GREB1: variants seen among roughly 807,000 people sequenced by gnomAD.
GREB1 encodes growth regulating estrogen receptor binding 1, also known as protein GREB1.
A neutral mutation model predicts 200.7 loss-of-function variants in GREB1; 106 were observed. The ratio of observed to expected loss-of-function variants is 0.53; its 90% CI spans 0.45 to 0.62. The LOEUF is 0.62. Ranked by LOEUF, GREB1 falls within the 20% of genes least tolerant of loss-of-function variation. The pLI is 0.00. For missense variants in GREB1, 2,243 were observed against 2,556.8 expected, an observed-to-expected ratio of 0.88 and a Z score of 2.65; for synonymous variants, 1,132 against 1,092.4, an observed-to-expected ratio of 1.04 and a Z score of -0.72.
intron 10 of GREB1, chr2:11,591,258 C>T: frequency 1.6e-6 from 1 of 617,310 alleles, no homozygotes; most frequent in East Asian, 2.9e-5. Flanking sequence ...TCTGGCACGG[C>T]CCACAGAGCA....
intron 4 of GREB1, among the ~76,000 whole-genome samples, chr2:11,569,329 C>A (rs892308647): frequency 6.7e-6 from 1 of 148,950 alleles, no homozygotes; most frequent in African/African-American, 2.5e-5. Context: ...CGTCTAGGGG[C>A]TGGGTGGGGG....
In GREB1 at chr2:11,635,384, G is replaced by A. The variant is rs1558672470; in HGVS notation, c.5325G>A (p.Arg1775=). The A allele has an allele frequency of 1.9e-6, 3 of 1,612,254 alleles. No homozygotes were observed. The highest frequency in any genetic ancestry group is 1.1e-5 in the South Asian group (1 of 90,688). The change falls in exon 30 of 33, where the codon AGG becomes AGA. Residue 1775 remains arginine, a synonymous_variant. Coordinates refer to ENST00000381486, the MANE Select transcript of GREB1 (RefSeq NM_014668.4). ...AGCAGATCGTGGTGGGCGGCCACAG[G>A]TCCTTCCACATCACATCCAAGGTGA... ...MKKQIVVGGH[R]SFHITSKVSD...
At chr2:11,572,536 T>C (rs1678416898) in intron 4 of GREB1, among the ~76,000 whole-genome samples, 2 of 152,136 alleles carry the variant, frequency 1.3e-5, no homozygotes, top group South Asian at 4.1e-4. Context: ...GATTTAGTCA[T>C]AGCCTTCCCT....
intron 7 of GREB1, among the ~76,000 whole-genome samples, chr2:11,583,555 G>T (rs183876876): frequency 6.6e-6 from 1 of 152,192 alleles, no homozygotes; most frequent in African/African-American, 2.4e-5. Context: ...TCACCCTGCA[G>T]CGTGCTTAAA....
chr2:11,629,971 C>T lies in GREB1; in HGVS notation c.4473C>T (p.Ala1491=). The change falls in exon 26 of 33, where the codon GCC becomes GCT. Residue 1491 remains alanine (A), a synonymous_variant. Transcript: ENST00000381486. This position sits in a 1 kb window ranked among gnomAD's most constrained non-coding sequence, Gnocchi z 5.2. ...RYQLYESTLH[A]FAFSYSMLGE... is the part of the protein sequence containing the mutation. ...AGCTGTATGAGTCCACCCTGCACGC[C>T]TTTGCCTTCTCTTACTCCATGCTAG... 1 of 1,614,206 alleles carries T rather than the reference C, an allele frequency of 6.2e-7. No individual in the cohort carries two copies. The highest frequency in any genetic ancestry group is 1.3e-5 in the African/African-American group (1 of 75,048).
At position 11,637,716 on chromosome 2, in the gene GREB1, G is replaced by A; in HGVS notation, c.5347G>A (p.Val1783Met). Residue 1783 changes from valine (V) to methionine (M), a missense_variant and splice_region_variant, in exon 31 of 33, where the codon GTG becomes ATG. By Grantham distance (21) the Val-to-Met change is conservative. Around this residue, in one of 3 missense-constraint regions of GREB1, gnomAD observed 478 missense variants for 616.3 expected, o/e 0.78. Transcript: ENST00000381486. ...GHRSFHITSK[V>M]SDNSAAVVPA... ...GCCTGACACCCCCCTTCCCGTGCAG[G>A]TGTCTGATAACTCTGCCGCGGTCGT... 3 of 1,612,744 alleles carry A rather than the reference G, an allele frequency of 1.9e-6. No individual in the cohort carries two copies. The highest frequency in any genetic ancestry group is 2.2e-5 in the South Asian group (2 of 91,072).
intron 17 of GREB1, among the ~76,000 whole-genome samples, chr2:11,609,698 A>G (rs1050450601): frequency 6.6e-6 from 1 of 152,212 alleles, no homozygotes; most frequent in Non-Finnish European, 1.5e-5. Context: ...TGAAGGAAAC[A>G]TGAAGAAAAG....
At chr2:11,531,714 G>A (rs1674081004), upstream of GREB1, among the ~76,000 whole-genome samples, 1 of 152,094 alleles carries the variant, frequency 6.6e-6, no homozygotes, top group Admixed American at 6.6e-5. Flanking sequence ...GGGATTATAG[G>A]CACCTGCCAC....
chr2:11,553,894 A>G (rs1304919185), intron 1 of GREB1, among the ~76,000 whole-genome samples: 1 of 152,038 alleles, frequency 6.6e-6, no homozygotes, highest in Non-Finnish European at 1.5e-5. Flanking sequence ...AGAGGACATG[A>G]TTCTTCAGGG....
rs1685132851 is a variant in GREB1, at chr2:11,634,344, G to A, written c.5205G>A (p.Gln1735=). ...VDLTQNVQYN[Q]NRFLCDDVDF... ...TGACCCAGAACGTGCAGTACAACCAGAACCGGTGAGCTCCTGCACCTGGGG... is the reference window on the plus strand; with the variant it reads ...TGACCCAGAACGTGCAGTACAACCAAAACCGGTGAGCTCCTGCACCTGGGG... Residue 1735 remains glutamine, a synonymous_variant, in exon 29 of 33, where the codon CAG becomes CAA. Transcript: ENST00000381486. The A allele has an allele frequency of 6.2e-7, 1 of 1,612,520 alleles. No homozygotes were observed. Among genetic ancestry groups the A allele is most frequent in the Admixed American group, 1.7e-5 (1 of 59,912 alleles).
At chr2:11,617,832 T>C (rs1247485359) in intron 21 of GREB1, among the ~76,000 whole-genome samples, 1 of 152,140 alleles carries the variant, frequency 6.6e-6, no homozygotes, top group Non-Finnish European at 1.5e-5. Flanking sequence ...GGAGACTGGC[T>C]AGGGGGCATC....
chr2:11,630,615 C>T (rs1321248435), intron 26 of GREB1, among the ~76,000 whole-genome samples: 2 of 152,210 alleles, frequency 1.3e-5, no homozygotes, highest in African/African-American at 4.8e-5. Context: ...CCGTCCCTCT[C>T]TCCTCTTCTG....
chr2:11,618,505 C>T lies in GREB1; in HGVS notation c.3630C>T (p.Ser1210=), dbSNP rs757414077. ...PDCSLRTGQR[S]VQVSVTSSCS... ...GTAGCCTCAGGACCGGCCAGAGGAG[C>T]GTCCAGGTGTCGGTCACCTCGTCGT... The change falls in exon 22 of 33, where the codon AGC becomes AGT. Residue 1210 remains serine, a synonymous_variant. Coordinates refer to ENST00000381486, the MANE Select transcript of GREB1 (RefSeq NM_014668.4). 29 of 1,611,086 alleles carry T rather than the reference C, an allele frequency of 1.8e-5. No individual in the cohort carries two copies. In the African/African-American group the frequency reaches 2.0e-4, roughly 11 times the overall value.
At chr2:11,498,660 TGCTGGGCA>T (rs1162771229) in intron 1 of GREB1, among the ~76,000 whole-genome samples, 4 of 152,196 alleles carry the variant, frequency 2.6e-5, no homozygotes, top group African/African-American at 7.2e-5. Context: ...GCAGTTTTGC[TGCTGGGCA>T]GCTGGGCAGC....
chr2:11,550,719 C>T (rs1449514822), intron 1 of GREB1, among the ~76,000 whole-genome samples: 4 of 152,208 alleles, frequency 2.6e-5, no homozygotes, highest in Admixed American at 2.6e-4. Flanking sequence ...TACTTCTCGT[C>T]TGCTTTGAAA....
In GREB1 at chr2:11,632,912, G is replaced by A; in HGVS notation, c.4840G>A (p.Glu1614Lys). The A allele has an allele frequency of 6.2e-7, 1 of 1,614,086 alleles. No homozygotes were observed. Among genetic ancestry groups the A allele is most frequent in the Non-Finnish European group, 8.5e-7 (1 of 1,179,988 alleles). Residue 1614 changes from glutamate (E) to lysine (K), a missense_variant, in exon 28 of 33, where the codon GAG becomes AAG. Physicochemically the swap from Glu to Lys is moderately conservative, Grantham distance 56. Transcript: ENST00000381486. ...AGGTGCTGCTCATTTCCTCATCAAGGAGCTGTCCTACCATAACCTGGAGCT... is the reference window on the plus strand; with the variant it reads ...AGGTGCTGCTCATTTCCTCATCAAGAAGCTGTCCTACCATAACCTGGAGCT... ...GVGAAHFLIK[E>K]LSYHNLELER...
chr2:11,515,519 G>T (rs1191437843), intron 1 of GREB1, among the ~76,000 whole-genome samples: 2 of 152,116 alleles, frequency 1.3e-5, no homozygotes, highest in Non-Finnish European at 2.9e-5. Flanking sequence ...CCCCTCCGAG[G>T]TTTTCTCTGG....
rs763552349 is a variant in GREB1 at position 11,634,279 on chromosome 2, C to T, written c.5140C>T (p.Arg1714Cys). ...RASEVQEPFS[R>C]CHVHNFIILN... ...CAGCGAGGTGCAAGAGCCCTTCTCC[C>T]GCTGCCACGTGCACAACTTCATCAT... The change falls in exon 29 of 33, where the codon CGC becomes TGC. Residue 1714 changes from arginine (R) to cysteine (C), a missense_variant. Transcript: ENST00000381486. 7.4e-6 allele frequency: 12 copies of T among 1,614,082 alleles called. No individual in the cohort carries two copies. Among genetic ancestry groups the T allele is most frequent in the East Asian group, 2.2e-5 (1 of 44,898 alleles).
intron 1 of GREB1, among the ~76,000 whole-genome samples, chr2:11,528,441 G>T (rs554236662): frequency 5.0e-4 from 76 of 152,186 alleles, no homozygotes; most frequent in Non-Finnish European, 9.3e-4. Context: ...GAGTCAGAGG[G>T]TTAGACTAGG....
Sources: gnomAD v4.1 joint callset for allele counts (sites outside exome capture counted in the v4.1 genomes callset) on GRCh38, gnomAD v4.1.1 for gene constraint, gnomAD v4.1.1 regional missense constraint, Gnocchi (gnomAD v3.1) non-coding constraint, MANE v1.5 for transcripts, NCBI Gene and HGNC (gene_info 2026-07-23, HGNC 2026-07-21) for gene names.